RIF1: variants seen among roughly 807,000 people sequenced by gnomAD.
The protein encoded by RIF1 is replication timing regulatory factor 1, also known as telomere-associated protein RIF1.
Under a neutral mutation model 247.1 loss-of-function variants are expected in RIF1, and 45 were observed. That is an observed-to-expected ratio of 0.18 (90% CI 0.14 to 0.23). The LOEUF (loss-of-function observed/expected upper bound fraction) is 0.23, where lower values mean the gene tolerates loss of function less well. Ranked by LOEUF, RIF1 falls within the 10% of genes least tolerant of loss-of-function variation. RIF1 has a pLI of 1.00. For missense variants in RIF1, 2,967 were observed against 2,862.5 expected (o/e 1.04, Z -0.83); for synonymous variants, 1,087 against 978.8 (o/e 1.11, Z -2.06).
At chr2:151,422,223 CTGTT>C (rs1245329284) in intron 7 of RIF1, among the ~76,000 whole-genome samples, 1 of 151,972 alleles carries the variant, frequency 6.6e-6, no homozygotes, top group African/African-American at 2.4e-5. Context: ...TTTCACGTGT[CTGTT>C]GATTATGAAG....
intron 27 of RIF1, among the ~76,000 whole-genome samples, chr2:151,461,748 G>A (rs1275317039): frequency 6.6e-6 from 1 of 152,136 alleles, no homozygotes; most frequent in Admixed American, 6.5e-5. Context: ...ATTTCATAAT[G>A]TATAAAGCTA....
At chr2:151,512,630 G>A, downstream of RIF1, 1 of 902,444 alleles carries the variant, frequency 1.1e-6, no homozygotes, top group Non-Finnish European at 1.8e-6. Flanking sequence ...TTTTTTATTG[G>A]GAAAAACTGA....
chr2:151,511,331 C>T (rs1292783944), downstream of RIF1, among the ~76,000 whole-genome samples: 3 of 152,184 alleles, frequency 2.0e-5, no homozygotes, highest in African/African-American at 7.2e-5. Context: ...ATACCTGCTT[C>T]CTAATCAAAC....
chr2:151,435,029 G>A (rs1339966524), intron 10 of RIF1, among the ~76,000 whole-genome samples: 1 of 151,966 alleles, frequency 6.6e-6, no homozygotes, highest in Non-Finnish European at 1.5e-5. Context: ...AATGTAATTT[G>A]CATCATAATG....
At position 151,463,330 on chromosome 2, in the gene RIF1, G is replaced by A. The variant is rs757818465; in HGVS notation, c.3810G>A (p.Gly1270=). The change falls in exon 30 of 36, where the codon GGG becomes GGA. Residue 1270 remains glycine, a synonymous_variant. Transcript: ENST00000444746. ...TACCAAAAGCAAAGCAAAGAGAAGG[G>A]ACTTTTTCAAAATCTGATTCTGAAA... ...DFLPKAKQRE[G]TFSKSDSEKI... is the part of the protein sequence containing the mutation. 49 of 1,613,640 alleles carry A rather than the reference G, an allele frequency of 3.0e-5. No individual in the cohort carries two copies. The Admixed American group carries it at 6.8e-4, about 23-fold the overall frequency.
chr2:151,532,981 T>C, the RIF1 span, among the ~76,000 whole-genome samples: 2 of 152,174 alleles, frequency 1.3e-5, 1 homozygote, highest in South Asian at 4.1e-4. Flanking sequence ...AGAGGCGCCA[T>C]GAATATATAC....
At position 151,463,189 on chromosome 2, in the gene RIF1, T is replaced by C; in HGVS notation, c.3669T>C (p.Thr1223=). ...CAAGTCGGAGGCAAACCTTTATTAC[T>C]TTGGAGAAGTTTGATGGTTCAGAAA... ...YPTSRRQTFI[T]LEKFDGSENR... is the part of the protein sequence containing the mutation. Residue 1223 remains threonine (T), a synonymous_variant, in exon 30 of 36, where the codon ACT becomes ACC. Coordinates refer to ENST00000444746, the MANE Select transcript of RIF1 (RefSeq NM_018151.5). The C allele has an allele frequency of 6.2e-7, 1 of 1,614,154 alleles. No homozygotes were observed. The highest frequency in any genetic ancestry group is 8.5e-7 in the Non-Finnish European group (1 of 1,180,014).
chr2:151,465,624 A>T lies in RIF1; in HGVS notation c.6104A>T (p.His2035Leu). 6.2e-7 allele frequency: 1 copy of T among 1,614,114 alleles called. No homozygotes were observed. Among genetic ancestry groups the T allele is most frequent in the East Asian group, 2.2e-5 (1 of 44,876 alleles). The part of the protein sequence containing the change: ...MIGEAMAETG[H>L]DGETENEGIT... ...GGCGAGGCAATGGCTGAAACTGGCC[A>T]TGATGGTGAAACAGAGAATGAGGGC... The change falls in exon 30 of 36, where the codon CAT (histidine) becomes CTT (leucine). Residue 2035 changes from histidine (H) to leucine (L), a missense_variant. His to Leu is a moderately conservative substitution (Grantham distance 99). Around this residue, in one of 7 missense-constraint regions of RIF1, gnomAD observed 2,028 missense variants for 1,825.6 expected, o/e 1.11. Transcript: ENST00000444746.
At chr2:151,533,400 A>G in the RIF1 span, 1 of 1,346,286 alleles carries the variant, frequency 7.4e-7, no homozygotes, top group South Asian at 1.3e-5. Flanking sequence ...TGCATCCAAG[A>G]CTTCTTCTAA....
At chr2:151,466,836 C>T (rs1397359056) in intron 30 of RIF1, among the ~76,000 whole-genome samples, 1 of 152,324 alleles carries the variant, frequency 6.6e-6, no homozygotes, top group Middle Eastern at 3.4e-3. Flanking sequence ...TGAACTTGAA[C>T]CTGCTATTCA....
At chr2:151,512,653 C>A, downstream of RIF1, 1 of 1,023,336 alleles carries the variant, frequency 9.8e-7, no homozygotes. Context: ...TGAAGAATCT[C>A]TTAAGGTATT....
chr2:151,427,691 C>T (rs1033193011), intron 8 of RIF1, among the ~76,000 whole-genome samples: 3 of 149,388 alleles, frequency 2.0e-5, no homozygotes, highest in African/African-American at 4.9e-5. Context: ...GAGGCTGAGG[C>T]GGGTGGGTCA....
rs529692378 is a variant in RIF1, at chr2:151,412,389, T to C, written c.183+1051T>C. 6.6e-4 allele frequency among the ~76,000 whole-genome samples: 101 copies of C among 152,266 alleles called. 1 individual carries two copies. In the South Asian group the frequency reaches 0.021, roughly 31 times the overall value. On this transcript the variant is annotated intron_variant, in intron 3 of 35. Transcript: ENST00000444746. ...AAATTGAGGTGGGGGTCTTGATAGG[T>C]TGCCTAAGCCAGTCTTGAACTCCTG...
chr2:151,450,699 C>T (rs567669265), intron 20 of RIF1, among the ~76,000 whole-genome samples: 2 of 152,024 alleles, frequency 1.3e-5, no homozygotes, highest in South Asian at 4.2e-4. Context: ...TTCTCCTGCC[C>T]CAGCCTCCCG....
In RIF1 at chr2:151,451,688, A is replaced by G; in HGVS notation, c.2327A>G (p.Tyr776Cys). 1.4e-6 allele frequency: 2 copies of G among 1,420,824 alleles called. No homozygotes were observed. Among genetic ancestry groups the G allele is most frequent in the Non-Finnish European group, 2.0e-6 (2 of 1,005,880 alleles). 88.0% of individuals were successfully genotyped at this position (1,420,824 alleles called of 1,614,324 possible). A position where few individuals can be genotyped will look rare whatever the true frequency, so the allele number is the denominator to read the frequency against. ...CIDFSPYNIK[Y>C]QPKVKSPQRP... ...GACTTCTCACCATATAATATTAAATATCAGCCCAAAGTTAAATGTAAGTAT... is the reference window on the plus strand; with the variant it reads ...GACTTCTCACCATATAATATTAAATGTCAGCCCAAAGTTAAATGTAAGTAT... The change falls in exon 21 of 36, where the codon TAT (tyrosine) becomes TGT (cysteine). Residue 776 changes from tyrosine (Y) to cysteine (C), a missense_variant. By Grantham distance (194) the Tyr-to-Cys change is radical. This residue lies in a region of RIF1 where 2,028 missense variants were observed against 1,825.6 expected (regional missense o/e 1.11). Coordinates refer to ENST00000444746, the MANE Select transcript of RIF1 (RefSeq NM_018151.5).
At chr2:151,425,167 CT>C (rs1396479792) in intron 8 of RIF1, among the ~76,000 whole-genome samples, 1 of 152,080 alleles carries the variant, frequency 6.6e-6, no homozygotes, top group Non-Finnish European at 1.5e-5. Context: ...TGTTGAACAT[CT>C]TTTCACTTGG....
intron 4 of RIF1, among the ~76,000 whole-genome samples, chr2:151,415,719 C>CA (rs941438129): frequency 6.0e-5 from 9 of 151,100 alleles, no homozygotes; most frequent in Admixed American, 6.6e-5. Context: ...ACTAAAAATA[C>CA]AAAAAAAATT....
At chr2:151,437,428 C>T (rs1291262300) in intron 13 of RIF1, 77 bp downstream of exon 13, 2 of 1,094,728 alleles carry the variant, frequency 1.8e-6, no homozygotes, top group African/African-American at 3.1e-5. Context: ...CAGTACCTCA[C>T]ACCTGTAATC....
intron 9 of RIF1, chr2:151,491,906 C>G (rs2056902079): frequency 2.0e-6 from 2 of 982,826 alleles, no homozygotes; most frequent in East Asian, 5.2e-5. Context: ...TGGGTCATGT[C>G]TTTTCCTCAG....
Sources: allele counts gnomAD v4.1 joint callset (sites outside exome capture counted in the v4.1 genomes callset), GRCh38; gene constraint gnomAD v4.1.1; regional missense constraint gnomAD v4.1.1; transcripts MANE v1.5; gene names NCBI Gene and HGNC (gene_info 2026-07-23, HGNC 2026-07-21).